Variants in NSD1 observed in about 807,000 individuals in gnomAD.
NSD1 encodes nuclear receptor binding SET domain protein 1, also known as histone-lysine N-methyltransferase, H3 lysine-36 specific.
In NSD1, 26 loss-of-function variants were observed where a neutral mutation model predicts 242.7. The ratio of observed to expected loss-of-function variants is 0.11; its 90% CI spans 0.08 to 0.15. The LOEUF (loss-of-function observed/expected upper bound fraction) is 0.15. Among genes scored for constraint, NSD1 ranks in the 10% least tolerant of loss-of-function variants. The pLI is 1.00. For synonymous variants in NSD1, 1,106 were observed against 1,178.1 expected, an observed-to-expected ratio of 0.94 and a Z score of 1.25; for missense variants, 2,495 against 3,272.8, an observed-to-expected ratio of 0.76 and a Z score of 5.80.
At chr5:177,204,452 C>A (rs1235496798) in intron 4 of NSD1, among the ~76,000 whole-genome samples, 160 bp downstream of exon 4, 1 of 152,152 alleles carries the variant, frequency 6.6e-6, no homozygotes, top group Middle Eastern at 3.2e-3. Flanking sequence ...GTCCCAGGTT[C>A]AAGTGATTCT....
At chr5:177,275,127 AT>A (rs2054390950) in intron 17 of NSD1, among the ~76,000 whole-genome samples, 1 of 151,374 alleles carries the variant, frequency 6.6e-6, no homozygotes, top group African/African-American at 2.4e-5. Context: ...TGTCTCAAAT[AT>A]TGGATCGAGC....
In NSD1 at chr5:177,204,258, G is replaced by A; in HGVS notation, c.1202G>A (p.Arg401Lys). ...QFEELPVLRRRGKQKEKGYRH... is the reference protein window; with the variant it reads ...QFEELPVLRRKGKQKEKGYRH... The stretch of plus-strand genomic sequence containing the variant: ...GAAGAGCTACCTGTCCTTAGGAGAA[G>A]AGGGAAACAGAAAGAAAAAGGATAT... Residue 401 changes from arginine (R) to lysine (K), a missense_variant, in exon 4 of 23, where the codon AGA becomes AAA. Arg to Lys is a conservative substitution (Grantham distance 26). Transcript: ENST00000439151. The A allele has an allele frequency of 1.2e-6, 2 of 1,614,090 alleles. No individual in the cohort carries two copies. Among genetic ancestry groups the A allele is most frequent in the Non-Finnish European group, 1.7e-6 (2 of 1,179,974 alleles).
chr5:177,281,800 G>C (rs1165245886), intron 18 of NSD1, among the ~76,000 whole-genome samples: 1 of 152,002 alleles, frequency 6.6e-6, no homozygotes, highest in Non-Finnish European at 1.5e-5. Flanking sequence ...CTACAGGCTC[G>C]CATCACCACG....
At chr5:177,229,094 C>A (rs956081182) in intron 5 of NSD1, among the ~76,000 whole-genome samples, 1 of 151,684 alleles carries the variant, frequency 6.6e-6, no homozygotes, top group Non-Finnish European at 1.5e-5. Flanking sequence ...AAAAAAAAAA[C>A]TTACCATCTG....
At chr5:177,182,917 C>G (rs775134987) in intron 2 of NSD1, among the ~76,000 whole-genome samples, 1 of 152,136 alleles carries the variant, frequency 6.6e-6, no homozygotes. Flanking sequence ...GCATTACAGG[C>G]GTGAGCCACC....
intron 5 of NSD1, among the ~76,000 whole-genome samples, chr5:177,217,544 A>C (rs1393254690): frequency 6.6e-6 from 1 of 152,116 alleles, no homozygotes; most frequent in Non-Finnish European, 1.5e-5. Flanking sequence ...TTTATCTTAG[A>C]GGAAAAGCTT....
chr5:177,136,194 T>C, intron 2 of NSD1, 164 bp downstream of exon 2: 1 of 630,056 alleles, frequency 1.6e-6, no homozygotes, highest in African/African-American at 1.8e-5. Context: ...GATTTTTAAA[T>C]TTATCTCTGT....
rs1760298155 is a variant in NSD1 at position 177,296,982 on chromosome 5, G to C, written c.*1523G>C. The C allele has an allele frequency of 4.3e-6, 1 of 233,280 alleles. No individual in the cohort carries two copies. The highest frequency in any genetic ancestry group is 8.5e-6 in the Non-Finnish European group (1 of 118,056). The allele number at this position is 233,280 out of a possible 1,614,324, so 14.5% of individuals were successfully genotyped here. A position where few individuals can be genotyped will look rare whatever the true frequency, so the allele number is the denominator to read the frequency against. On this transcript the variant is annotated 3_prime_UTR_variant, in exon 23 of 23. Transcript: ENST00000439151. ...GTTATGGCTTTCACGCTCTCAATAG[G>C]ATTCTGTATTTGGTCCCAATTTCCT... is the stretch of plus-strand genomic sequence containing the variant.
In NSD1 at chr5:177,211,640, G is replaced by A; in HGVS notation, c.3241G>A (p.Gly1081Arg). The A allele has an allele frequency of 6.2e-7, 1 of 1,614,104 alleles. No homozygotes were observed. Among genetic ancestry groups the A allele is most frequent in the East Asian group, 2.2e-5 (1 of 44,874 alleles). ...AGAACGTGGAGGTTCATTGAGAGGT[G>A]GGGCAGAAGATCCTAGTAAAGAGGA... is the stretch of plus-strand genomic sequence containing the variant. ...DRERGGSLRG[G>R]AEDPSKEDPL... The change falls in exon 5 of 23, where the codon GGG (glycine) becomes AGG (arginine). Residue 1081 changes from glycine (G) to arginine (R), a missense_variant. Physicochemically the swap from Gly to Arg is moderately radical, Grantham distance 125 (BLOSUM62 -2). Coordinates refer to ENST00000439151, the MANE Select transcript of NSD1 (RefSeq NM_022455.5).
chr5:177,286,145 A>C (rs1759308116), intron 20 of NSD1, among the ~76,000 whole-genome samples: 1 of 152,196 alleles, frequency 6.6e-6, no homozygotes, highest in African/African-American at 2.4e-5. Context: ...TACAGGCATG[A>C]GCCACCGCGC....
chr5:177,199,227 C>T (rs1762325933), intron 3 of NSD1, among the ~76,000 whole-genome samples: 2 of 152,128 alleles, frequency 1.3e-5, no homozygotes, highest in African/African-American at 2.4e-5. Flanking sequence ...GCATGTTTAG[C>T]GTAGGCTAGG....
intron 5 of NSD1, among the ~76,000 whole-genome samples, chr5:177,226,310 C>T (rs545597222): frequency 1.3e-5 from 2 of 152,288 alleles, no homozygotes; most frequent in South Asian, 4.1e-4. Flanking sequence ...GCTGGGATTA[C>T]ATGCGTGAGC....
intron 2 of NSD1, among the ~76,000 whole-genome samples, chr5:177,146,205 GTTT>G (rs34454786): frequency 3.5e-5 from 4 of 114,994 alleles, no homozygotes; most frequent in South Asian, 2.9e-4. Context: ...TTCACCAATC[GTTT>G]TTTTTTTTTT....
chr5:177,234,213 A>C (rs1287587449), intron 5 of NSD1, among the ~76,000 whole-genome samples: 2 of 152,260 alleles, frequency 1.3e-5, no homozygotes, highest in Admixed American at 6.5e-5. Flanking sequence ...AAAGCTTTTA[A>C]TATCGACAAA....
rs144257298 is a variant in NSD1, at chr5:177,211,549, C to T, written c.3150C>T (p.Thr1050=). ...CAGTGAACCGTAAAGCCTTAAAGAC[C>T]GAGCGCAAAAGAAAACTGAATCAGC... ...KNTVNRKALK[T]ERKRKLNQLP... Residue 1050 remains threonine, a synonymous_variant, in exon 5 of 23, where the codon ACC becomes ACT. Coordinates refer to ENST00000439151, the MANE Select transcript of NSD1 (RefSeq NM_022455.5). 242 of 1,614,022 alleles carry T rather than the reference C, an allele frequency of 1.5e-4. No homozygotes were observed. The African/African-American group carries it at 2.7e-3, about 18-fold the overall frequency.
intron 2 of NSD1, among the ~76,000 whole-genome samples, chr5:177,158,243 TTC>T (rs759895713): frequency 1.3e-4 from 7 of 53,328 alleles, no homozygotes; most frequent in African/African-American, 5.6e-4. Context: ...TCTAATTTCT[TTC>T]TTTCTTTCTT....
chr5:177,259,854 TCCATC>T, intron 13 of NSD1, 130 bp from the exon 14 acceptor site: 2 of 927,614 alleles, frequency 2.2e-6, no homozygotes, highest in Admixed American at 4.1e-5. Flanking sequence ...GTGTTTAAGA[TCCATC>T]ATCTTAGTGG....
At position 177,294,860 on chromosome 5, in the gene NSD1, G is replaced by A. The variant is rs1348361825; in HGVS notation, c.7492G>A (p.Gly2498Arg). ...TTCATGGCCTGCCAGCAAAGGTCTG[G>A]GGCATATGCCGAGAGCTGTTGAGAA... ...SSSWPASKGL[G>R]HMPRAVEKGC... The change falls in exon 23 of 23, where the codon GGG becomes AGG. Residue 2498 changes from glycine to arginine, a missense_variant. Around this residue, in one of 19 missense-constraint regions of NSD1, gnomAD observed 475 missense variants for 563.7 expected, o/e 0.84. Transcript: ENST00000439151. 1.9e-6 allele frequency: 3 copies of A among 1,612,900 alleles called. No homozygotes were observed. Among genetic ancestry groups the A allele is most frequent in the African/African-American group, 2.7e-5 (2 of 74,936 alleles).
At chr5:177,281,395 GT>G (rs1758870246) in intron 18 of NSD1, among the ~76,000 whole-genome samples, 1 of 148,324 alleles carries the variant, frequency 6.7e-6, no homozygotes, top group Non-Finnish European at 1.5e-5. Flanking sequence ...AATTTTATTG[GT>G]TTCCAGGAAA....
Sources: allele counts gnomAD v4.1 joint callset (sites outside exome capture counted in the v4.1 genomes callset), GRCh38; gene constraint gnomAD v4.1.1; regional missense constraint gnomAD v4.1.1; transcripts MANE v1.5; gene names NCBI Gene and HGNC (gene_info 2026-07-23, HGNC 2026-07-21).